STYX: variants seen among roughly 807,000 people sequenced by gnomAD.
The protein encoded by STYX is serine/threonine/tyrosine-interacting protein.
In STYX, 20 loss-of-function variants were observed where a neutral mutation model predicts 42.7. The observed-to-expected ratio is 0.47, with a 90% CI of 0.33 to 0.68. The LOEUF is 0.68. STYX is among the 30% of genes least tolerant of loss of function. STYX has a pLI of 0.02. For missense variants in STYX, 226 were observed against 268.5 expected, an observed-to-expected ratio of 0.84 and a Z score of 1.11; for synonymous variants, 78 against 81.9, an observed-to-expected ratio of 0.95 and a Z score of 0.26.
intron 1 of STYX, among the ~76,000 whole-genome samples, chr14:52,737,238 T>C (rs1337668644): frequency 6.6e-6 from 1 of 152,260 alleles, no homozygotes; most frequent in East Asian, 1.9e-4. Context: ...TTTTATCTAA[T>C]GGTTACAGTC....
At chr14:52,768,797 A>C in intron 9 of STYX, 43 bp from the exon 10 acceptor site, 1 of 1,404,714 alleles carries the variant, frequency 7.1e-7, no homozygotes, top group Non-Finnish European at 9.7e-7. Flanking sequence ...GTATCCAAGA[A>C]TGTAAATATA....
intron 8 of STYX, among the ~76,000 whole-genome samples, chr14:52,758,844 TA>T (rs762177414): frequency 1.3e-5 from 2 of 152,236 alleles, no homozygotes; most frequent in South Asian, 2.1e-4. Context: ...AAGGTGCTGG[TA>T]TTACAGGGGT....
chr14:52,749,257 A>G lies in STYX; in HGVS notation c.145-1426A>G, dbSNP rs527352140. Among the ~76,000 whole-genome samples the G allele has an allele frequency of 2.0e-5, 3 of 152,182 alleles. No individual in the cohort carries two copies. The South Asian group carries it at 6.2e-4, about 32-fold the overall frequency. On this transcript the variant is annotated intron_variant, in intron 3 of 10. Coordinates refer to ENST00000354586, the MANE Select transcript of STYX (RefSeq NM_145251.4). ...GTTTCTACCCTCATGACCTCAATCT[A>G]AAACTGATTATCTTCCAGAGACTCC...
chr14:52,743,988 A>T (rs1881300513), intron 1 of STYX, among the ~76,000 whole-genome samples: 1 of 151,760 alleles, frequency 6.6e-6, no homozygotes, highest in Non-Finnish European at 1.5e-5. Context: ...TGCCCAACGA[A>T]TTTTTTTGTA....
chr14:52,745,824 C>T (rs1404334944), intron 2 of STYX, among the ~76,000 whole-genome samples: 1 of 152,090 alleles, frequency 6.6e-6, no homozygotes, highest in East Asian at 1.9e-4. Flanking sequence ...AGGTGAGTAC[C>T]TATGAGGCAT....
chr14:52,771,122 C>G lies in STYX; in HGVS notation c.*16C>G. The G allele has an allele frequency of 2.5e-6, 4 of 1,586,066 alleles. No homozygotes were observed. The East Asian group carries it at 9.0e-5, about 36-fold the overall frequency. Reference sequence around the variant, plus strand: ...GAATGGCTGACTTGAAGAGCAACATCATAGAGTGTGAATTTCTATTTGGGA... The same window carrying G: ...GAATGGCTGACTTGAAGAGCAACATGATAGAGTGTGAATTTCTATTTGGGA... On this transcript the variant is annotated 3_prime_UTR_variant, in exon 11 of 11. Coordinates refer to ENST00000354586, the MANE Select transcript of STYX (RefSeq NM_145251.4).
intron 2 of STYX, among the ~76,000 whole-genome samples, chr14:52,745,923 A>G (rs1048431830): frequency 6.6e-6 from 1 of 152,256 alleles, no homozygotes; most frequent in African/African-American, 2.4e-5. Flanking sequence ...TTATATACAA[A>G]TAATTATGAC....
chr14:52,761,182 G>A (rs1882079143), intron 9 of STYX, among the ~76,000 whole-genome samples: 2 of 151,976 alleles, frequency 1.3e-5, no homozygotes, highest in Non-Finnish European at 2.9e-5. Flanking sequence ...TACAAAATTA[G>A]CTGGATGTGG....
In STYX at chr14:52,771,257, C is replaced by A; in HGVS notation, c.*151C>A. 1 of 634,922 alleles carries A rather than the reference C, an allele frequency of 1.6e-6. No individual in the cohort carries two copies. The highest frequency in any genetic ancestry group is 2.6e-6 in the Non-Finnish European group (1 of 386,052). The allele number at this position is 634,922 out of a possible 1,614,324, so 39.3% of individuals were successfully genotyped here. On this transcript the variant is annotated 3_prime_UTR_variant, in exon 11 of 11. Transcript: ENST00000354586. ...TACTTCTCTGCAACTTGTTGAGCAA[C>A]ATTTTAAGATGTTGGACTTCTGCAA...
chr14:52,747,954 T>C (rs1324499098), intron 3 of STYX, among the ~76,000 whole-genome samples: 1 of 152,216 alleles, frequency 6.6e-6, no homozygotes, highest in East Asian at 1.9e-4. Context: ...ATGGCACCAC[T>C]GTACTCCAGC....
At chr14:52,766,685 C>A (rs1882312972) in intron 9 of STYX, among the ~76,000 whole-genome samples, 1 of 152,134 alleles carries the variant, frequency 6.6e-6, no homozygotes, top group Non-Finnish European at 1.5e-5. Flanking sequence ...AAATTCAAGC[C>A]TTCCCTGATT....
chr14:52,746,510 AC>A, intron 3 of STYX, 31 bp downstream of exon 3: 1 of 1,533,312 alleles, frequency 6.5e-7, no homozygotes, highest in Non-Finnish European at 8.7e-7. Flanking sequence ...ATCAAGAGAG[AC>A]TTTTATTAAC....
chr14:52,752,876 G>GTTTTTTTTTTTT (rs1881681132), intron 4 of STYX, among the ~76,000 whole-genome samples: 1 of 125,106 alleles, frequency 8.0e-6, no homozygotes, highest in Non-Finnish European at 1.6e-5. Flanking sequence ...TTTTTTTGTT[G>GTTTTTTTTTTTT]TTGTTGTTTT....
At chr14:52,767,972 G>A in intron 9 of STYX, among the ~76,000 whole-genome samples, 1 of 152,012 alleles carries the variant, frequency 6.6e-6, no homozygotes, top group East Asian at 1.9e-4. Flanking sequence ...TAAACAGCCT[G>A]CTGCTTGCAA....
intron 9 of STYX, among the ~76,000 whole-genome samples, chr14:52,767,761 A>G (rs139134795): frequency 1.3e-5 from 2 of 152,242 alleles, no homozygotes; most frequent in African/African-American, 4.8e-5. Flanking sequence ...TCATATTAGA[A>G]TCACCTGGGG....
rs1387958774 is a variant in STYX, at chr14:52,774,555, T to G, written c.*3449T>G. 1 of 151,856 alleles carries G rather than the reference T, an allele frequency of 6.6e-6. No individual in the cohort carries two copies. Among genetic ancestry groups the G allele is most frequent in the Admixed American group, 6.6e-5 (1 of 15,240 alleles). 9.4% of individuals were successfully genotyped at this position (151,856 alleles called of 1,614,324 possible). A position where few individuals can be genotyped will look rare whatever the true frequency, so the allele number is the denominator to read the frequency against. ...TGAAAGACCTTTTTTTTTAATTGAT[T>G]AGAAAAGTAAGTCTCTAGGGTCTTT... is the stretch of plus-strand genomic sequence containing the variant. On this transcript the variant is annotated 3_prime_UTR_variant, in exon 11 of 11. Coordinates refer to ENST00000354586, the MANE Select transcript of STYX (RefSeq NM_145251.4).
intron 2 of STYX, among the ~76,000 whole-genome samples, chr14:52,745,820 G>A (rs1431944728): frequency 6.6e-6 from 1 of 152,110 alleles, no homozygotes; most frequent in Non-Finnish European, 1.5e-5. Flanking sequence ...AAATAGGTGA[G>A]TACCTATGAG....
chr14:52,743,513 G>A (rs1351989670), intron 1 of STYX, among the ~76,000 whole-genome samples: 1 of 151,946 alleles, frequency 6.6e-6, no homozygotes, highest in African/African-American at 2.4e-5. Flanking sequence ...CCCGGGAGAC[G>A]GAGCTTGCAT....
intron 9 of STYX, among the ~76,000 whole-genome samples, chr14:52,765,417 A>G (rs910322902): frequency 1.3e-5 from 2 of 152,144 alleles, no homozygotes; most frequent in African/African-American, 2.4e-5. Flanking sequence ...GAATTTCACC[A>G]TGTTAGCTAG....
Sources: allele counts gnomAD v4.1 joint callset (sites outside exome capture counted in the v4.1 genomes callset), GRCh38; gene constraint gnomAD v4.1.1; transcripts MANE v1.5; gene names NCBI Gene and HGNC (gene_info 2026-07-23, HGNC 2026-07-21).